Variants in RGS20 observed in about 807,000 individuals in gnomAD.
The protein encoded by RGS20 is regulator of G protein signaling 20, also known as gz-selective GTPase-activating protein.
In RGS20, 30 loss-of-function variants were observed where a neutral mutation model predicts 33.6. That is an observed-to-expected ratio of 0.89 (90% CI 0.67 to 1.21). The LOEUF (loss-of-function observed/expected upper bound fraction) is 1.21. Ranked by LOEUF, RGS20 falls within the 50% of genes most tolerant of loss-of-function variation. The pLI is 0.00. For missense variants in RGS20, 472 were observed against 502.4 expected (o/e 0.94, Z 0.58); for synonymous variants, 208 against 197.9 (o/e 1.05, Z -0.43).
At chr8:53,876,737 G>C (rs1447139626) in intron 1 of RGS20, 1 of 152,262 alleles carries the variant, frequency 6.6e-6, no homozygotes, top group Non-Finnish European at 1.5e-5. Flanking sequence ...CCAGGCTCGC[G>C]GTGGCTTCAG....
At chr8:53,912,931 T>C (rs1254622850) in intron 2 of RGS20, among the ~76,000 whole-genome samples, 1 of 152,144 alleles carries the variant, frequency 6.6e-6, no homozygotes, top group Non-Finnish European at 1.5e-5. Flanking sequence ...GAATTCATAG[T>C]TTTACACATA....
At chr8:53,886,181 C>T (rs910572146) in intron 2 of RGS20, among the ~76,000 whole-genome samples, 2 of 152,174 alleles carry the variant, frequency 1.3e-5, no homozygotes, top group African/African-American at 4.8e-5. Context: ...TACACGGCAC[C>T]ATCTGAGATG....
At chr8:53,874,154 A>T (rs183310872) in intron 1 of RGS20, among the ~76,000 whole-genome samples, 81 of 152,256 alleles carry the variant, frequency 5.3e-4, no homozygotes, top group African/African-American at 1.9e-3. Context: ...GAGCCCGGTG[A>T]TCCAACAAAG....
intron 2 of RGS20, among the ~76,000 whole-genome samples, chr8:53,927,511 C>G (rs890683917): frequency 3.3e-5 from 5 of 152,078 alleles, no homozygotes; most frequent in African/African-American, 1.2e-4. Context: ...AGCCCTCAGG[C>G]TGCTTTTGAA....
rs542589579 is a variant in RGS20 at position 53,946,652 on chromosome 8, CT to C, written c.660-5del. On this transcript the variant is annotated splice_polypyrimidine_tract_variant and intron_variant, in intron 3 of 5. Transcript: ENST00000297313. ...GACTGAGCTGTCAACATGTGAATGTCTTTTTTTTGCAGTCTCACTGTTAGAA... is the reference window on the plus strand; with the variant it reads ...GACTGAGCTGTCAACATGTGAATGTCTTTTTTTGCAGTCTCACTGTTAGAA... 3.9e-5 allele frequency: 62 copies of C among 1,599,330 alleles called. No individual in the cohort carries two copies. The highest frequency in any genetic ancestry group is 1.1e-4 in the East Asian group (5 of 44,378).
intron 2 of RGS20, among the ~76,000 whole-genome samples, chr8:53,930,307 G>C (rs974259092): frequency 1.3e-5 from 2 of 152,208 alleles, no homozygotes; most frequent in Admixed American, 1.3e-4. Context: ...TATCATTTAT[G>C]ACAGCAGCAA....
chr8:53,901,495 G>A (rs755214791), intron 2 of RGS20, among the ~76,000 whole-genome samples: 17 of 152,138 alleles, frequency 1.1e-4, no homozygotes, highest in Non-Finnish European at 2.2e-4. Flanking sequence ...TGCCACTTCA[G>A]GGCTTAGAAG....
At chr8:53,896,205 G>A (rs139640424) in intron 2 of RGS20, among the ~76,000 whole-genome samples, 224 of 152,260 alleles carry the variant, frequency 1.5e-3, no homozygotes, top group African/African-American at 5.1e-3. Flanking sequence ...CTTGAGCCCA[G>A]GAGGTTGAGG....
intron 1 of RGS20, among the ~76,000 whole-genome samples, chr8:53,863,523 G>T (rs922560480): frequency 6.6e-6 from 1 of 152,144 alleles, no homozygotes; most frequent in African/African-American, 2.4e-5. Flanking sequence ...TTGAGGCTCA[G>T]TTGTAACTAA....
At position 53,958,256 on chromosome 8, in the gene RGS20, G is replaced by A. The variant is rs777362997; in HGVS notation, c.979-14G>A. 9 of 1,588,058 alleles carry A rather than the reference G, an allele frequency of 5.7e-6. No individual in the cohort carries two copies. The highest frequency in any genetic ancestry group is 2.3e-5 in the East Asian group (1 of 43,492). ...GAAGTCTCTAATACAGCTCCTACTC[G>A]TTTCTGTCGACAGGTGAGCTTAGAC... On this transcript the variant is annotated splice_polypyrimidine_tract_variant and intron_variant, in intron 5 of 5. Transcript: ENST00000297313.
chr8:53,853,480 C>T (rs1811609191), intron 1 of RGS20, among the ~76,000 whole-genome samples: 1 of 152,182 alleles, frequency 6.6e-6, no homozygotes, highest in African/African-American at 2.4e-5. Context: ...CCAGTCTGTA[C>T]AGCAGCAGGT....
intron 1 of RGS20, among the ~76,000 whole-genome samples, chr8:53,856,843 C>T (rs769415936): frequency 6.6e-6 from 1 of 152,118 alleles, no homozygotes; most frequent in Non-Finnish European, 1.5e-5. Context: ...GACATGTGAT[C>T]CCTTGAGCAG....
At chr8:53,906,635 C>G (rs1563384021) in intron 2 of RGS20, among the ~76,000 whole-genome samples, 1 of 152,322 alleles carries the variant, frequency 6.6e-6, no homozygotes, top group East Asian at 1.9e-4. Flanking sequence ...GAGAGTGTCT[C>G]TTGAGGCTGC....
At chr8:53,940,298 T>G (rs959413710) in intron 3 of RGS20, among the ~76,000 whole-genome samples, 3 of 152,244 alleles carry the variant, frequency 2.0e-5, no homozygotes, top group Admixed American at 6.5e-5. Context: ...AAAACATCTG[T>G]GACCCTTTGA....
intron 2 of RGS20, among the ~76,000 whole-genome samples, chr8:53,912,575 A>G (rs116837699): frequency 0.016 from 2,405 of 152,198 alleles, 54 homozygotes; most frequent in African/African-American, 0.054. Flanking sequence ...GCTACTGTTC[A>G]TCTGTCTATT....
intron 1 of RGS20, among the ~76,000 whole-genome samples, chr8:53,874,890 A>G (rs770126353): frequency 2.6e-5 from 4 of 152,138 alleles, no homozygotes; most frequent in Non-Finnish European, 5.9e-5. Flanking sequence ...GGTACTAGGG[A>G]CTAGAATTTT....
chr8:53,872,708 G>A (rs1230462307), intron 1 of RGS20, among the ~76,000 whole-genome samples: 1 of 152,174 alleles, frequency 6.6e-6, no homozygotes, highest in East Asian at 1.9e-4. Context: ...TTGAGTGGCA[G>A]CAGCAGAAAT....
At chr8:53,904,628 A>G (rs1167716053) in intron 2 of RGS20, among the ~76,000 whole-genome samples, 4 of 152,232 alleles carry the variant, frequency 2.6e-5, no homozygotes, top group Non-Finnish European at 5.9e-5. Flanking sequence ...GAGTCCCTAA[A>G]GCAGCCCCAC....
chr8:53,860,225 T>C (rs1370617187), intron 1 of RGS20, among the ~76,000 whole-genome samples: 1 of 152,204 alleles, frequency 6.6e-6, no homozygotes, highest in Non-Finnish European at 1.5e-5. Context: ...TGGAATATAT[T>C]CAAATATTCA....
Sources: gnomAD v4.1 joint callset for allele counts (sites outside exome capture counted in the v4.1 genomes callset) on GRCh38, gnomAD v4.1.1 for gene constraint, MANE v1.5 for transcripts, NCBI Gene and HGNC (gene_info 2026-07-23, HGNC 2026-07-21) for gene names.